Variants in MCPH1 observed in about 807,000 individuals in gnomAD.
MCPH1 encodes microcephalin 1, also known as microcephalin.
Under a neutral mutation model 84.5 loss-of-function variants are expected in MCPH1, and 104 were observed. The observed-to-expected ratio is 1.23, with a 90% confidence interval of 1.05 to 1.45. MCPH1 has a LOEUF of 1.45. Among genes scored for constraint, MCPH1 ranks in the 40% most tolerant of loss-of-function variants. The pLI is 0.00. For missense variants in MCPH1, 1,498 were observed against 1,005.7 expected (o/e 1.49, Z -6.62); for synonymous variants, 514 against 366.8 (o/e 1.40, Z -4.58).
chr8:6,623,080 G>A (rs941670680), intron 13 of MCPH1, among the ~76,000 whole-genome samples: 5 of 137,652 alleles, frequency 3.6e-5, no homozygotes, highest in East Asian at 4.2e-4. Context: ...CTCAAACTCC[G>A]GGGCTCAAGC....
chr8:6,608,888 A>C (rs1238148566), intron 12 of MCPH1, among the ~76,000 whole-genome samples: 1 of 152,104 alleles, frequency 6.6e-6, no homozygotes, highest in African/African-American at 2.4e-5. Context: ...CCGTGTTCTG[A>C]CTTAATTAGC....
chr8:6,416,116 G>T (rs965218184), intron 3 of MCPH1, among the ~76,000 whole-genome samples: 8 of 152,072 alleles, frequency 5.3e-5, no homozygotes, highest in African/African-American at 1.9e-4. Context: ...AGAAATGCAG[G>T]TGATTGTTGT....
At chr8:6,572,310 A>G (rs1017156374) in intron 12 of MCPH1, among the ~76,000 whole-genome samples, 5 of 152,210 alleles carry the variant, frequency 3.3e-5, no homozygotes, top group Admixed American at 2.6e-4. Context: ...TTTTTCATTT[A>G]TAGATCAAAA....
At chr8:6,622,131 C>G (rs544424838) in intron 13 of MCPH1, 1 of 285,026 alleles carries the variant, frequency 3.5e-6, no homozygotes, top group Non-Finnish European at 7.0e-6. Flanking sequence ...ATCTCATGAT[C>G]ACTCCGTCTG....
chr8:6,631,636 C>G (rs1797166748), intron 13 of MCPH1, among the ~76,000 whole-genome samples: 1 of 151,060 alleles, frequency 6.6e-6, no homozygotes, highest in African/African-American at 2.4e-5. Flanking sequence ...CACCTCACAC[C>G]CATTATGATT....
At chr8:6,627,266 C>T (rs1008617805) in intron 13 of MCPH1, 3 of 985,302 alleles carry the variant, frequency 3.0e-6, no homozygotes, top group East Asian at 1.1e-4. Context: ...TCTCCATTGC[C>T]TCGATAAGGA....
intron 12 of MCPH1, among the ~76,000 whole-genome samples, chr8:6,517,452 C>T (rs1034440550): frequency 2.6e-5 from 4 of 152,222 alleles, no homozygotes; most frequent in African/African-American, 9.6e-5. Context: ...CTTGCAGTCT[C>T]TCTCTCGTAG....
At chr8:6,526,135 C>T (rs867151161) in intron 12 of MCPH1, among the ~76,000 whole-genome samples, 5 of 151,848 alleles carry the variant, frequency 3.3e-5, no homozygotes, top group African/African-American at 7.2e-5. Context: ...TTTAAGAAAA[C>T]GACGCCAGGT....
rs1278783246 is a variant in MCPH1 at position 6,639,293 on chromosome 8, T to G, written c.2453-3701T>G. 2.0e-5 allele frequency among the ~76,000 whole-genome samples: 3 copies of G among 152,308 alleles called. No homozygotes were observed. The East Asian group carries it at 5.8e-4, about 29-fold the overall frequency. ...GACAAGTACACAGGGTCCTCCAGTC[T>G]TACAACCCTTCCTTAACTACAATAA... On this transcript the variant is annotated intron_variant, in intron 13 of 13. Transcript: ENST00000344683.
rs185728071 is a variant in MCPH1 at position 6,578,312 on chromosome 8, C to T, written c.2215-43142C>T. ...CCATATCAATTCTAAACAGCATTTT[C>T]GTTGGCAAAAGAAAAGTGAGAAAAC... On this transcript the variant is annotated intron_variant, in intron 12 of 13. Coordinates refer to ENST00000344683, the MANE Select transcript of MCPH1 (RefSeq NM_024596.5). 2.9e-3 allele frequency among the ~76,000 whole-genome samples: 435 copies of T among 152,286 alleles called. 2 individuals carry two copies. The highest frequency in any genetic ancestry group is 9.3e-3 in the African/African-American group (385 of 41,562).
At chr8:6,453,202 A>C (rs962831581) in intron 8 of MCPH1, among the ~76,000 whole-genome samples, 1 of 152,200 alleles carries the variant, frequency 6.6e-6, no homozygotes, top group Non-Finnish European at 1.5e-5. Flanking sequence ...GTGGAGTCCA[A>C]CTAATCTTTC....
At chr8:6,502,260 T>C (rs1265574277) in intron 12 of MCPH1, 2 of 152,154 alleles carry the variant, frequency 1.3e-5, no homozygotes, top group African/African-American at 4.8e-5. Flanking sequence ...AATTATAAAA[T>C]TGTAAATATT....
intron 12 of MCPH1, among the ~76,000 whole-genome samples, chr8:6,566,087 AT>A (rs111547586): frequency 0.063 from 9,654 of 152,344 alleles, 356 homozygotes; most frequent in East Asian, 0.12. Context: ...GTGGGACAGC[AT>A]TAACTGAGTG....
chr8:6,617,836 C>A (rs149949281), intron 12 of MCPH1, among the ~76,000 whole-genome samples: 1 of 152,000 alleles, frequency 6.6e-6, no homozygotes, highest in African/African-American at 2.4e-5. Flanking sequence ...GACACCATGC[C>A]GGGCTTGCTT....
At chr8:6,429,357 G>A (rs889168685) in intron 3 of MCPH1, among the ~76,000 whole-genome samples, 10 of 152,136 alleles carry the variant, frequency 6.6e-5, no homozygotes, top group South Asian at 2.1e-4. Context: ...GAGAAGGAGA[G>A]TCGCTCCCTC....
intron 12 of MCPH1, among the ~76,000 whole-genome samples, chr8:6,584,339 C>A (rs1161578346): frequency 1.3e-5 from 2 of 152,092 alleles, no homozygotes; most frequent in African/African-American, 2.4e-5. Flanking sequence ...GTTTAGTGAA[C>A]CATAAAAAGC....
Position 6,643,649 on chromosome 8 carries a change from A to G in MCPH1, c.*600A>G. The G allele has an allele frequency of 6.4e-6, 1 of 155,772 alleles. No individual in the cohort carries two copies. The highest frequency in any genetic ancestry group is 2.4e-5 in the African/African-American group (1 of 41,464). The allele number at this position is 155,772 out of a possible 1,614,324, so 9.6% of individuals were successfully genotyped here. Reference sequence around the variant, plus strand: ...TGACATTGTTTTATTACTGAGAACAACTAGAGAACTCTGCAAGTTTCTTGG... The same window carrying G: ...TGACATTGTTTTATTACTGAGAACAGCTAGAGAACTCTGCAAGTTTCTTGG... On this transcript the variant is annotated 3_prime_UTR_variant, in exon 14 of 14. Transcript: ENST00000344683.
rs181388323 is a variant in MCPH1, at chr8:6,588,581, C to T, written c.2215-32873C>T. On this transcript the variant is annotated intron_variant, in intron 12 of 13. Transcript: ENST00000344683. ...TGGCGTAAGTCTGGTTGAACCAGCACTGAACTGCCTGAGTCCATGTGAACG... is the reference window on the plus strand; with the variant it reads ...TGGCGTAAGTCTGGTTGAACCAGCATTGAACTGCCTGAGTCCATGTGAACG... Among the ~76,000 whole-genome samples, 21 of 152,368 alleles carry T rather than the reference C, an allele frequency of 1.4e-4. No individual in the cohort carries two copies. The East Asian group carries it at 4.1e-3, about 29-fold the overall frequency.
intron 12 of MCPH1, chr8:6,508,814 T>C: frequency 7.3e-7 from 1 of 1,372,132 alleles, no homozygotes; most frequent in Non-Finnish European, 1.0e-6. Context: ...CTAGTGTGTC[T>C]ACGTATGAAA....
Sources: allele counts gnomAD v4.1 joint callset (sites outside exome capture counted in the v4.1 genomes callset), GRCh38; gene constraint gnomAD v4.1.1; transcripts MANE v1.5; gene names NCBI Gene and HGNC (gene_info 2026-07-23, HGNC 2026-07-21).